UBE2J1: variants seen among roughly 807,000 people sequenced by gnomAD.
UBE2J1 encodes ubiquitin-conjugating enzyme E2 J1.
Under a neutral mutation model 42.1 loss-of-function variants are expected in UBE2J1, and 17 were observed. That is an observed-to-expected ratio of 0.40 (90% CI 0.28 to 0.61). The LOEUF is 0.61. Among genes scored for constraint, UBE2J1 ranks in the 20% least tolerant of loss-of-function variants. The pLI is 0.38. For synonymous variants in UBE2J1, 127 were observed against 137.2 expected (o/e 0.93, Z 0.52); for missense variants, 291 against 389.4 (o/e 0.75, Z 2.13).
intron 1 of UBE2J1, among the ~76,000 whole-genome samples, chr6:89,351,228 G>A (rs957735009): frequency 4.6e-5 from 7 of 151,490 alleles, no homozygotes; most frequent in Admixed American, 3.3e-4. Context: ...ACAGGAGTGC[G>A]CCACCACCAT....
chr6:89,340,419 C>G (rs1266796753), intron 3 of UBE2J1, among the ~76,000 whole-genome samples: 1 of 152,202 alleles, frequency 6.6e-6, no homozygotes, highest in Admixed American at 6.5e-5. Flanking sequence ...CTTAGCTCTC[C>G]CCATGATCTA....
chr6:89,343,620 A>T, intron 2 of UBE2J1, 63 bp downstream of exon 2: 1 of 1,309,006 alleles, frequency 7.6e-7, no homozygotes, highest in Non-Finnish European at 1.1e-6. Context: ...AATGAAAAGC[A>T]ATTTTAAAAA....
At chr6:89,330,575 C>G (rs1226594071) in intron 7 of UBE2J1, among the ~76,000 whole-genome samples, 1 of 151,994 alleles carries the variant, frequency 6.6e-6, no homozygotes, top group Non-Finnish European at 1.5e-5. Flanking sequence ...AGGAGGACTG[C>G]TTGAGCCCAG....
At chr6:89,331,516 T>C (rs1198364618) in intron 7 of UBE2J1, among the ~76,000 whole-genome samples, 3 of 152,204 alleles carry the variant, frequency 2.0e-5, no homozygotes, top group Non-Finnish European at 4.4e-5. Context: ...CTAAGATTCA[T>C]TCATTCAATC....
chr6:89,341,678 C>T (rs1036773370), intron 3 of UBE2J1, among the ~76,000 whole-genome samples: 4 of 151,326 alleles, frequency 2.6e-5, no homozygotes, highest in South Asian at 2.1e-4. Flanking sequence ...GAGCTATGAT[C>T]GTGCTACTGC....
chr6:89,334,541 G>A (rs1307135543), intron 6 of UBE2J1, among the ~76,000 whole-genome samples: 3 of 148,482 alleles, frequency 2.0e-5, no homozygotes, highest in Non-Finnish European at 4.5e-5. Context: ...GCGCGATCTC[G>A]GCTCACCGCA....
intron 7 of UBE2J1, 133 bp from the exon 8 acceptor site, chr6:89,330,090 CTAA>C (rs1329060924): frequency 1.1e-6 from 1 of 887,440 alleles, no homozygotes; most frequent in Admixed American, 2.7e-5. Flanking sequence ...ATGATTGTTA[CTAA>C]TAATACATCC....
intron 3 of UBE2J1, among the ~76,000 whole-genome samples, chr6:89,341,909 A>AG (rs1366575353): frequency 1.3e-5 from 2 of 152,144 alleles, no homozygotes; most frequent in African/African-American, 4.8e-5. Context: ...AAACTCAATG[A>AG]GGTAGGTATC....
intron 7 of UBE2J1, among the ~76,000 whole-genome samples, chr6:89,330,278 T>C (rs1767986508): frequency 6.6e-6 from 1 of 152,158 alleles, no homozygotes; most frequent in Non-Finnish European, 1.5e-5. Flanking sequence ...ATGTTTTAAT[T>C]AGGTTCCTAT....
chr6:89,335,467 G>C (rs376456675), intron 5 of UBE2J1, 36 bp from the exon 6 acceptor site: 1 of 1,488,602 alleles, frequency 6.7e-7, no homozygotes, highest in Non-Finnish European at 9.1e-7. Flanking sequence ...AAAATAAATA[G>C]TTAAATGTTT....
In UBE2J1 at chr6:89,338,728, T is replaced by C. The variant is rs1311413996; in HGVS notation, c.238-185A>G. On this transcript the variant is annotated intron_variant, in intron 3 of 7. Transcript: ENST00000435041. ...TCACCCAGGCTGGAGTGCAGTGGTG[T>C]GATATCAGCTCACTGCAAGATCCAC... Among the ~76,000 whole-genome samples the C allele has an allele frequency of 1.5e-4, 21 of 139,172 alleles. No individual in the cohort carries two copies. The East Asian group carries it at 3.6e-3, about 24-fold the overall frequency. 91.3% of individuals were successfully genotyped at this position (139,172 alleles called of 152,430 possible).
intron 5 of UBE2J1, among the ~76,000 whole-genome samples, chr6:89,335,899 C>T (rs1435917799): frequency 6.6e-6 from 1 of 152,062 alleles, no homozygotes; most frequent in Non-Finnish European, 1.5e-5. Context: ...AGCAGTATAA[C>T]TTGAAAGACT....
rs367798892 is a variant in UBE2J1 at position 89,329,785 on chromosome 6, T to C, written c.851A>G (p.His284Arg). Residue 284 changes from histidine (H) to arginine (R), a missense_variant, in exon 8 of 8, where the codon CAT becomes CGT. Coordinates refer to ENST00000435041, the MANE Select transcript of UBE2J1 (RefSeq NM_016021.3). ...GHQPRDNHTD[H>R]GGSAVLIVIL... ...GACAATCAGTACAGCTGACCCACCA[T>C]GATCAGTGTGGTTGTCTCTTGGCTG... 73 of 1,614,010 alleles carry C rather than the reference T, an allele frequency of 4.5e-5. No homozygotes were observed. The highest frequency in any genetic ancestry group is 5.7e-5 in the Non-Finnish European group (67 of 1,179,996).
chr6:89,333,587 A>T (rs1768049419), intron 6 of UBE2J1, among the ~76,000 whole-genome samples: 1 of 152,192 alleles, frequency 6.6e-6, no homozygotes, highest in Non-Finnish European at 1.5e-5. Context: ...ATCCCACATT[A>T]ATGTAATATT....
intron 1 of UBE2J1, 61 bp from the exon 2 acceptor site, chr6:89,343,817 G>T: frequency 7.6e-7 from 1 of 1,321,178 alleles, no homozygotes; most frequent in Non-Finnish European, 1.0e-6. Flanking sequence ...GATTAGCACA[G>T]TCTTACGAGC....
chr6:89,339,985 C>G (rs1454135768), intron 3 of UBE2J1, among the ~76,000 whole-genome samples: 1 of 150,828 alleles, frequency 6.6e-6, no homozygotes, highest in Non-Finnish European at 1.5e-5. Flanking sequence ...TATTGGACTC[C>G]AGCCTGGGTG....
chr6:89,333,944 A>T (rs1768059747), intron 6 of UBE2J1, among the ~76,000 whole-genome samples: 2 of 152,186 alleles, frequency 1.3e-5, no homozygotes, highest in African/African-American at 4.8e-5. Context: ...TTGTGAAGCT[A>T]ATTAAATTCC....
intron 1 of UBE2J1, among the ~76,000 whole-genome samples, chr6:89,345,079 C>T (rs994114612): frequency 1.3e-5 from 2 of 152,266 alleles, no homozygotes; most frequent in Non-Finnish European, 2.9e-5. Flanking sequence ...GGAGGACAGG[C>T]TGGGCATCTA....
intron 1 of UBE2J1, among the ~76,000 whole-genome samples, chr6:89,346,041 C>T (rs62415377): frequency 6.6e-6 from 1 of 152,092 alleles, no homozygotes; most frequent in African/African-American, 2.4e-5. Context: ...CAGGCATGCA[C>T]CACCATGCCT....
Sources: gnomAD v4.1 joint callset for allele counts (sites outside exome capture counted in the v4.1 genomes callset) on GRCh38, gnomAD v4.1.1 for gene constraint, MANE v1.5 for transcripts, NCBI Gene and HGNC (gene_info 2026-07-23, HGNC 2026-07-21) for gene names.